Variants in LAMA2 observed in about 807,000 individuals in gnomAD.
The protein encoded by LAMA2 is laminin subunit alpha 2, also known as laminin subunit alpha-2.
A neutral mutation model predicts 364.8 loss-of-function variants in LAMA2; 269 were observed. That is an observed-to-expected ratio of 0.74 (90% confidence interval 0.67 to 0.82). LAMA2 has a LOEUF of 0.82. LAMA2 is among the 40% of genes least tolerant of loss of function. LAMA2 has a pLI of 0.00. For missense variants in LAMA2, 3,807 were observed against 3,873.2 expected (o/e 0.98, Z 0.45); for synonymous variants, 1,379 against 1,370.6 (o/e 1.01, Z -0.14).
At chr6:129,007,084 G>T (rs765380654) in intron 1 of LAMA2, among the ~76,000 whole-genome samples, 1 of 152,134 alleles carries the variant, frequency 6.6e-6, no homozygotes, top group Non-Finnish European at 1.5e-5. Context: ...TTAAGTGCCT[G>T]TTCCCCATCG....
intron 2 of LAMA2, among the ~76,000 whole-genome samples, chr6:129,059,290 A>C (rs1788716391): frequency 6.6e-6 from 1 of 152,158 alleles, no homozygotes; most frequent in Admixed American, 6.5e-5. Flanking sequence ...AACCAGATAT[A>C]TATTGGACTC....
chr6:129,063,545 C>A (rs1189824975), intron 3 of LAMA2, among the ~76,000 whole-genome samples: 1 of 152,144 alleles, frequency 6.6e-6, no homozygotes, highest in East Asian at 1.9e-4. Context: ...TTTTCAAACA[C>A]ATATTGAGGT....
chr6:128,947,872 G>A (rs1171938017), intron 1 of LAMA2, among the ~76,000 whole-genome samples: 3 of 152,044 alleles, frequency 2.0e-5, no homozygotes, highest in Non-Finnish European at 4.4e-5. Flanking sequence ...AGAGTGAGAA[G>A]CTAAAATGGA....
At chr6:129,488,636 T>C (rs1303652688) in intron 56 of LAMA2, among the ~76,000 whole-genome samples, 1 of 152,216 alleles carries the variant, frequency 6.6e-6, no homozygotes, top group Non-Finnish European at 1.5e-5. Flanking sequence ...AGTTTTGCCA[T>C]TCATTGTTAA....
chr6:129,260,678 C>T (rs1787054657), intron 14 of LAMA2, 33 bp from the exon 15 acceptor site: 3 of 1,303,662 alleles, frequency 2.3e-6, no homozygotes, highest in Middle Eastern at 3.7e-4. Flanking sequence ...AAGAACTTTA[C>T]TTATTCACCA....
chr6:129,308,035 TA>T (rs1291845426), intron 22 of LAMA2, among the ~76,000 whole-genome samples: 1 of 152,242 alleles, frequency 6.6e-6, no homozygotes, highest in Non-Finnish European at 1.5e-5. Flanking sequence ...GAACCTGGTC[TA>T]GAATATGCTG....
rs116128872 is a variant in LAMA2 at position 129,403,794 on chromosome 6, C to A, written c.5727-27C>A. The A allele has an allele frequency of 1.6e-3, 2,517 of 1,605,534 alleles. 28 individuals are homozygous for A. In the African/African-American group the frequency reaches 0.029, roughly 18 times the overall value. Reference sequence around the variant, plus strand: ...ATTTGAGTACCATTGAGTGCCCTGACATTCCTTTTTTGAATCATCCCACCA... The same window carrying A: ...ATTTGAGTACCATTGAGTGCCCTGAAATTCCTTTTTTGAATCATCCCACCA... On this transcript the variant is annotated intron_variant, in intron 39 of 64. Coordinates refer to ENST00000421865, the MANE Select transcript of LAMA2 (RefSeq NM_000426.4).
chr6:129,093,812 T>C (rs1315257298), intron 3 of LAMA2, among the ~76,000 whole-genome samples: 1 of 152,224 alleles, frequency 6.6e-6, no homozygotes, highest in African/African-American at 2.4e-5. Flanking sequence ...TTTGGGATTT[T>C]TTTAAGACAC....
chr6:129,050,521 A>C (rs1163828123), intron 2 of LAMA2, among the ~76,000 whole-genome samples: 2 of 152,186 alleles, frequency 1.3e-5, no homozygotes, highest in African/African-American at 2.4e-5. Context: ...AGCGTTCTGC[A>C]GAAGAGAGAG....
chr6:129,089,692 G>A (rs1774690535), intron 3 of LAMA2, among the ~76,000 whole-genome samples: 1 of 152,186 alleles, frequency 6.6e-6, no homozygotes, highest in African/African-American at 2.4e-5. Flanking sequence ...GATGTCAAGG[G>A]TAGTGCTAAA....
At chr6:129,512,328 C>T (rs1207108260) in intron 62 of LAMA2, 35 bp from the exon 63 acceptor site, 3 of 1,605,664 alleles carry the variant, frequency 1.9e-6, no homozygotes, top group Admixed American at 3.3e-5. Flanking sequence ...TCCCCATCCT[C>T]TAATCCAAAA....
intron 32 of LAMA2, 41 bp from the exon 33 acceptor site, chr6:129,366,178 T>G: frequency 6.2e-7 from 1 of 1,608,914 alleles, no homozygotes; most frequent in Non-Finnish European, 8.5e-7. Context: ...GCCTGGGATG[T>G]TTAGCAGAAG....
intron 4 of LAMA2, among the ~76,000 whole-genome samples, chr6:129,129,752 G>A (rs1282389153): frequency 1.3e-5 from 2 of 151,410 alleles, no homozygotes; most frequent in Admixed American, 6.6e-5. Context: ...GTGAAACCCC[G>A]TCTCTACTAA....
At chr6:129,452,916 G>T in intron 45 of LAMA2, 72 bp from the exon 46 acceptor site, 1 of 1,310,586 alleles carries the variant, frequency 7.6e-7, no homozygotes, top group South Asian at 1.2e-5. Flanking sequence ...ATGGCTTTGT[G>T]GTTGTATGGA....
intron 17 of LAMA2, among the ~76,000 whole-genome samples, chr6:129,271,637 G>C (rs1252851968): frequency 6.6e-6 from 1 of 151,878 alleles, no homozygotes; most frequent in Non-Finnish European, 1.5e-5. Flanking sequence ...TTACTCAAAA[G>C]TGATTATAAA....
intron 8 of LAMA2, among the ~76,000 whole-genome samples, chr6:129,162,373 T>G (rs547259167): frequency 6.6e-6 from 1 of 152,298 alleles, no homozygotes; most frequent in East Asian, 1.9e-4. Flanking sequence ...GAAAAAAATT[T>G]ACATTAACCA....
At chr6:129,486,723 C>T in intron 56 of LAMA2, 101 bp downstream of exon 56, 1 of 1,106,876 alleles carries the variant, frequency 9.0e-7, no homozygotes, top group Non-Finnish European at 1.4e-6. Context: ...TGTGTGTGGA[C>T]CTACTATGCA....
At chr6:129,007,008 A>G (rs1784484142) in intron 1 of LAMA2, among the ~76,000 whole-genome samples, 1 of 151,620 alleles carries the variant, frequency 6.6e-6, no homozygotes, top group Non-Finnish European at 1.5e-5. Flanking sequence ...CTGAACAACC[A>G]CCCCTTTGTG....
chr6:129,052,383 C>T (rs1788132364), intron 2 of LAMA2, among the ~76,000 whole-genome samples: 1 of 150,700 alleles, frequency 6.6e-6, no homozygotes, highest in Admixed American at 6.6e-5. Flanking sequence ...CTCCTGATCT[C>T]GTGATATGCC....
Sources: allele counts gnomAD v4.1 joint callset (sites outside exome capture counted in the v4.1 genomes callset), GRCh38; gene constraint gnomAD v4.1.1; transcripts MANE v1.5; gene names NCBI Gene and HGNC (gene_info 2026-07-23, HGNC 2026-07-21).